Variants in MAP4K2 observed in about 807,000 individuals in gnomAD.
MAP4K2 encodes mitogen-activated protein kinase kinase kinase kinase 2.
A neutral mutation model predicts 125.3 loss-of-function variants in MAP4K2; 85 were observed. The observed-to-expected ratio is 0.68, with a 90% CI of 0.57 to 0.81. MAP4K2 has a LOEUF of 0.81. Among genes scored for constraint, MAP4K2 ranks in the 40% least tolerant of loss-of-function variants. MAP4K2 has a pLI of 0.00. For missense variants in MAP4K2, 923 were observed against 1,056.4 expected, an observed-to-expected ratio of 0.87 and a Z score of 1.75; for synonymous variants, 479 against 445.1, an observed-to-expected ratio of 1.08 and a Z score of -0.96.
Position 64,789,558 on chromosome 11 carries a change from C to T in MAP4K2, c.2442G>A (p.Thr814=), listed in dbSNP as rs919296303. ...GCTCTTAGTAGGTGCTCTGGTGGCCCGTGAGGATGTAGAGGTTGCTGTGCG... is the reference window on the plus strand; with the variant it reads ...GCTCTTAGTAGGTGCTCTGGTGGCCTGTGAGGATGTAGAGGTTGCTGTGCG... ...PEAHSNLYIL[T]GHQSTY The change falls in exon 32 of 32, where the codon ACG becomes ACA. Residue 814 remains threonine (T), a synonymous_variant. Coordinates refer to ENST00000294066, the MANE Select transcript of MAP4K2 (RefSeq NM_004579.5). 5 of 1,592,714 alleles carry T rather than the reference C, an allele frequency of 3.1e-6. No homozygotes were observed. The highest frequency in any genetic ancestry group is 1.8e-5 in the Admixed American group (1 of 56,188).
chr11:64,792,955 G>A (rs1055850095), intron 24 of MAP4K2, among the ~76,000 whole-genome samples: 13 of 152,322 alleles, frequency 8.5e-5, no homozygotes, highest in African/African-American at 2.4e-4. Context: ...AACGGCTCAC[G>A]CCTGTAATCC....
chr11:64,802,303 G>T (rs1202196114), intron 4 of MAP4K2, 116 bp downstream of exon 4: 2 of 1,197,542 alleles, frequency 1.7e-6, no homozygotes, highest in Non-Finnish European at 1.2e-6. Flanking sequence ...AGGTCACACA[G>T]CCAGGCAGGA....
chr11:64,800,320 C>G lies in MAP4K2; in HGVS notation c.798G>C (p.Lys266Asn), dbSNP rs1282754020. The change falls in exon 11 of 32, where the codon AAG becomes AAC. Residue 266 changes from lysine to asparagine, a missense_variant. Physicochemically the swap from Lys to Asn is moderately conservative, Grantham distance 94. This residue lies in a region of MAP4K2 where 833 missense variants were observed against 911.4 expected (regional missense o/e 0.91). Transcript: ENST00000294066. Reference protein sequence around the residue: ...KNPKKRPTAEKLLQHPFTTQQ... With the variant: ...KNPKKRPTAENLLQHPFTTQQ... ...GCCCCCTGCCTCCCACCTGCAGGAGCTTCTCTGCTGTCGGCCTCTTCTTAG... is the reference window on the plus strand; with the variant it reads ...GCCCCCTGCCTCCCACCTGCAGGAGGTTCTCTGCTGTCGGCCTCTTCTTAG... 6.2e-7 allele frequency: 1 copy of G among 1,614,100 alleles called. No homozygotes were observed. The highest frequency in any genetic ancestry group is 8.5e-7 in the Non-Finnish European group (1 of 1,180,040).
chr11:64,797,952 ACCTCGG>A (rs990631481), intron 15 of MAP4K2, among the ~76,000 whole-genome samples: 17 of 145,956 alleles, frequency 1.2e-4, no homozygotes, highest in African/African-American at 3.8e-4. Context: ...TGATCCGCCC[ACCTCGG>A]CCTCCCAAAG....
chr11:64,801,840 C>T (rs1286994364), intron 5 of MAP4K2, 83 bp from the exon 6 acceptor site: 53 of 1,440,926 alleles, frequency 3.7e-5, no homozygotes, highest in Non-Finnish European at 4.9e-5. Flanking sequence ...TGGGGCCCCC[C>T]ACTCAGGCTG....
intron 14 of MAP4K2, 129 bp downstream of exon 14, chr11:64,799,292 G>T: frequency 8.9e-7 from 1 of 1,119,554 alleles, no homozygotes; most frequent in Non-Finnish European, 1.3e-6. Flanking sequence ...GGCTTGCTTG[G>T]ACAGTCTAAG....
At position 64,789,394 on chromosome 11, in the gene MAP4K2, A is replaced by G; in HGVS notation, c.*143T>C. Reference sequence around the variant, plus strand: ...TCCCCTCCCTCCCCAGGCCTGAAACATTTCTCAGGATTACTTCTGACCTTC... The same window carrying G: ...TCCCCTCCCTCCCCAGGCCTGAAACGTTTCTCAGGATTACTTCTGACCTTC... On this transcript the variant is annotated 3_prime_UTR_variant, in exon 32 of 32. Coordinates refer to ENST00000294066, the MANE Select transcript of MAP4K2 (RefSeq NM_004579.5). 3 of 715,270 alleles carry G rather than the reference A, an allele frequency of 4.2e-6. No homozygotes were observed. Among genetic ancestry groups the G allele is most frequent in the Non-Finnish European group, 6.9e-6 (3 of 433,094 alleles). The allele number at this position is 715,270 out of a possible 1,614,324, so 44.3% of individuals were successfully genotyped here.
chr11:64,798,956 G>A, intron 14 of MAP4K2, 119 bp from the exon 15 acceptor site: 1 of 825,854 alleles, frequency 1.2e-6, no homozygotes, highest in South Asian at 1.7e-5. Flanking sequence ...AGGTGAGATG[G>A]AAACACACAG....
rs1940197910 is a variant in MAP4K2, at chr11:64,786,418, G to C, written c.*3119C>G. 6.6e-6 allele frequency: 1 copy of C among 152,184 alleles called. No individual in the cohort carries two copies. The highest frequency in any genetic ancestry group is 1.5e-5 in the Non-Finnish European group (1 of 68,058). 9.4% of individuals were successfully genotyped at this position (152,184 alleles called of 1,614,324 possible). ...ATCTTGTCCATTCCCTTACTCGTGA[G>C]GGTCTCCTGAGCACTGGTAGTGAGC... is the stretch of plus-strand genomic sequence containing the variant. On this transcript the variant is annotated 3_prime_UTR_variant, in exon 32 of 32. Coordinates refer to ENST00000294066, the MANE Select transcript of MAP4K2 (RefSeq NM_004579.5).
In MAP4K2 at chr11:64,796,303, G is replaced by T. The variant is rs1940792980; in HGVS notation, c.1721C>A (p.Thr574Asn). 1.3e-6 allele frequency: 2 copies of T among 1,540,290 alleles called. No individual in the cohort carries two copies. Among genetic ancestry groups the T allele is most frequent in the Non-Finnish European group, 1.7e-6 (2 of 1,143,466 alleles). The change falls in exon 24 of 32, where the codon ACC becomes AAC. Residue 574 changes from threonine (T) to asparagine (N), a missense_variant. Thr to Asn is a moderately conservative substitution (Grantham distance 65). This residue lies in a region of MAP4K2 where 833 missense variants were observed against 911.4 expected (regional missense o/e 0.91). Coordinates refer to ENST00000294066, the MANE Select transcript of MAP4K2 (RefSeq NM_004579.5). The part of the protein sequence containing the change: ...LQQQVPLSIP[T>N]NRLTQRIIPR... ...GATGATGCGCTGGGTGAGGCGGTTG[G>T]TGGGGATGGAGAGGGGAACCTGTTG...
chr11:64,796,251 C>G (rs748120656), intron 24 of MAP4K2, 22 bp downstream of exon 24: 2 of 1,516,944 alleles, frequency 1.3e-6, no homozygotes, highest in Non-Finnish European at 1.8e-6. Context: ...CTCCCGCTCC[C>G]TGCACGCCCA....
At position 64,788,317 on chromosome 11, in the gene MAP4K2, C is replaced by G. The variant is rs1051035001; in HGVS notation, c.*1220G>C. The G allele has an allele frequency of 3.9e-5, 6 of 152,774 alleles. No homozygotes were observed. The highest frequency in any genetic ancestry group is 7.2e-5 in the African/African-American group (3 of 41,456). 9.5% of individuals were successfully genotyped at this position (152,774 alleles called of 1,614,324 possible). On this transcript the variant is annotated 3_prime_UTR_variant, in exon 32 of 32. Transcript: ENST00000294066. The stretch of plus-strand genomic sequence containing the variant: ...CCACCCTGCCCCCACCTTCCCAGCC[C>G]CCCAGCTGTGGGCCCTCAAGGCAGT...
At position 64,797,165 on chromosome 11, in the gene MAP4K2, G is replaced by A. The variant is rs142390140; in HGVS notation, c.1304C>T (p.Pro435Leu). 3 of 1,613,792 alleles carry A rather than the reference G, an allele frequency of 1.9e-6. No individual in the cohort carries two copies. The highest frequency in any genetic ancestry group is 2.7e-5 in the African/African-American group (2 of 74,902). The change falls in exon 19 of 32, where the codon CCC becomes CTC. Residue 435 changes from proline to leucine, a missense_variant. By Grantham distance (98) the Pro-to-Leu change is moderately conservative. Coordinates refer to ENST00000294066, the MANE Select transcript of MAP4K2 (RefSeq NM_004579.5). ...CGTGGGCAGCAGTGGGGAGCTGTTG[G>A]GGCCTGAAGGAGGTGGGGGCAGGGT... ...PGTLPPPPSG[P>L]NSSPLLPTAW... is the part of the protein sequence containing the mutation.
intron 10 of MAP4K2, 82 bp downstream of exon 10, chr11:64,800,681 GC>G (rs1565624198): frequency 2.6e-6 from 4 of 1,523,186 alleles, no homozygotes; most frequent in Non-Finnish European, 1.8e-6. Context: ...TCTTGGGGTT[GC>G]CCCCCGGGAG....
In MAP4K2 at chr11:64,784,977, A is replaced by T. The variant is rs1940172258; in HGVS notation, c.*4560T>A. ...ACAACGGAACATGGTCCAAATGTCCATCAACAGGTGAACAGCTAACCAAAC... is the reference window on the plus strand; with the variant it reads ...ACAACGGAACATGGTCCAAATGTCCTTCAACAGGTGAACAGCTAACCAAAC... On this transcript the variant is annotated 3_prime_UTR_variant, in exon 32 of 32. Coordinates refer to ENST00000294066, the MANE Select transcript of MAP4K2 (RefSeq NM_004579.5). 6.6e-6 allele frequency: 1 copy of T among 152,218 alleles called. No individual in the cohort carries two copies. Among genetic ancestry groups the T allele is most frequent in the Non-Finnish European group, 1.5e-5 (1 of 68,042 alleles). The allele number at this position is 152,218 out of a possible 1,614,324, so 9.4% of individuals were successfully genotyped here. A position where few individuals can be genotyped will look rare whatever the true frequency, so the allele number is the denominator to read the frequency against.
intron 24 of MAP4K2, among the ~76,000 whole-genome samples, chr11:64,795,396 T>G (rs1940734830): frequency 6.6e-6 from 1 of 151,648 alleles, no homozygotes; most frequent in Non-Finnish European, 1.5e-5. Flanking sequence ...TTTTTGATTT[T>G]TTGGGCTTTT....
intron 15 of MAP4K2, among the ~76,000 whole-genome samples, chr11:64,797,948 G>GC (rs1463491588): frequency 3.3e-5 from 5 of 149,866 alleles, no homozygotes; most frequent in Non-Finnish European, 7.4e-5. Flanking sequence ...CTTGTGATCC[G>GC]CCCACCTCGG....
At position 64,797,394 on chromosome 11, in the gene MAP4K2, C is replaced by T; in HGVS notation, c.1171-14G>A. ...GGAGTCCAGCTCCTGGTAGGAGGGGCAGGGCCCAGCCCGGCCGTTACCAGG... is the reference window on the plus strand; with the variant it reads ...GGAGTCCAGCTCCTGGTAGGAGGGGTAGGGCCCAGCCCGGCCGTTACCAGG... On this transcript the variant is annotated splice_polypyrimidine_tract_variant and intron_variant, in intron 17 of 31. Transcript: ENST00000294066. 6.4e-7 allele frequency: 1 copy of T among 1,570,834 alleles called. No homozygotes were observed. The highest frequency in any genetic ancestry group is 8.6e-7 in the Non-Finnish European group (1 of 1,157,514).
At position 64,802,457 on chromosome 11, in the gene MAP4K2, T is replaced by A. The variant is rs1268734198; in HGVS notation, c.272A>T (p.Glu91Val). Residue 91 changes from glutamate to valine, a missense_variant, in exon 4 of 32, where the codon GAG (glutamate) becomes GTG (valine). By Grantham distance (121) the Glu-to-Val change is moderately radical. Transcript: ENST00000294066. ...CTGCAGGGAGCCCCCTCCGCAGAACTCCATGCAGATCCACAAGCGGTCATT... is the reference window on the plus strand; with the variant it reads ...CTGCAGGGAGCCCCCTCCGCAGAACACCATGCAGATCCACAAGCGGTCATT... Reference protein sequence around the residue: ...LRNDRLWICMEFCGGGSLQEI... With the variant: ...LRNDRLWICMVFCGGGSLQEI... 6.6e-7 allele frequency: 1 copy of A among 1,513,780 alleles called. No homozygotes were observed. 93.8% of individuals were successfully genotyped at this position (1,513,780 alleles called of 1,614,324 possible).
Sources: allele counts gnomAD v4.1 joint callset (sites outside exome capture counted in the v4.1 genomes callset), GRCh38; gene constraint gnomAD v4.1.1; regional missense constraint gnomAD v4.1.1; transcripts MANE v1.5; gene names NCBI Gene and HGNC (gene_info 2026-07-23, HGNC 2026-07-21).